MOB3B: variants seen among roughly 807,000 people sequenced by gnomAD.
MOB3B encodes MOB kinase activator-like 2B.
MOB3B carries 7 observed loss-of-function variants against 18.7 expected under a neutral mutation model. The ratio of observed to expected loss-of-function variants is 0.37; its 90% CI spans 0.21 to 0.70. MOB3B has a LOEUF of 0.70. Ranked by LOEUF, MOB3B falls within the 30% of genes least tolerant of loss-of-function variation. MOB3B has a pLI of 0.52. For missense variants in MOB3B, 253 were observed against 281.3 expected (o/e 0.90, Z 0.72); for synonymous variants, 111 against 99.9 (o/e 1.11, Z -0.66).
chr9:27,343,903 A>C (rs953427394), intron 3 of MOB3B, among the ~76,000 whole-genome samples: 32 of 152,154 alleles, frequency 2.1e-4, no homozygotes, highest in African/African-American at 7.5e-4. Flanking sequence ...GCAAATCCTA[A>C]AGACCCAATT....
intron 3 of MOB3B, among the ~76,000 whole-genome samples, chr9:27,337,870 A>G (rs7047861): frequency 0.029 from 4,391 of 152,260 alleles, 163 homozygotes; most frequent in African/African-American, 0.079. Flanking sequence ...TAAGGCATTC[A>G]ATGATCAAAA....
At chr9:27,403,595 C>T (rs1821919862) in intron 2 of MOB3B, among the ~76,000 whole-genome samples, 1 of 132,174 alleles carries the variant, frequency 7.6e-6, no homozygotes, top group African/African-American at 2.8e-5. Flanking sequence ...CGCAATGGTG[C>T]AATCTCAGCT....
rs137982792 is a variant in MOB3B at position 27,332,404 on chromosome 9, T to C, written c.622-1788A>G. Among the ~76,000 whole-genome samples, 17 of 152,312 alleles carry C rather than the reference T, an allele frequency of 1.1e-4. No homozygotes were observed. The East Asian group carries it at 3.1e-3, about 28-fold the overall frequency. On this transcript the variant is annotated intron_variant, in intron 3 of 3. Coordinates refer to ENST00000262244, the MANE Select transcript of MOB3B (RefSeq NM_024761.5). ...GAGAAGTAGGGAGAGAGAAAGTGTG[T>C]TCATGGGATAAACAGAATTTTAGCT...
intron 3 of MOB3B, among the ~76,000 whole-genome samples, chr9:27,345,293 T>G (rs1821016156): frequency 6.6e-6 from 1 of 152,166 alleles, no homozygotes; most frequent in South Asian, 2.1e-4. Flanking sequence ...GAACTGCTCC[T>G]GCCCACCATA....
intron 1 of MOB3B, among the ~76,000 whole-genome samples, chr9:27,515,790 A>G (rs1820222725): frequency 6.6e-6 from 1 of 152,136 alleles, no homozygotes; most frequent in Admixed American, 6.5e-5. Context: ...TCCTCTCCCC[A>G]TTAAGGCTCC....
chr9:27,436,541 C>T (rs997485782), intron 2 of MOB3B, among the ~76,000 whole-genome samples: 1 of 152,160 alleles, frequency 6.6e-6, no homozygotes, highest in African/African-American at 2.4e-5. Context: ...TCTGATTGGC[C>T]TCCCGAAGTT....
intron 1 of MOB3B, among the ~76,000 whole-genome samples, chr9:27,495,283 A>T (rs1819878906): frequency 6.6e-6 from 1 of 152,118 alleles, no homozygotes; most frequent in African/African-American, 2.4e-5. Context: ...GTAAGCCATG[A>T]TTGTACCACC....
At chr9:27,365,719 G>T (rs1176676241) in intron 2 of MOB3B, among the ~76,000 whole-genome samples, 1 of 152,188 alleles carries the variant, frequency 6.6e-6, no homozygotes, top group Non-Finnish European at 1.5e-5. Flanking sequence ...ACTCCAAGAA[G>T]TTGGCCCACA....
At chr9:27,402,441 C>T (rs1384261904) in intron 2 of MOB3B, among the ~76,000 whole-genome samples, 1 of 152,108 alleles carries the variant, frequency 6.6e-6, no homozygotes, top group East Asian at 1.9e-4. Context: ...ATGATGATGA[C>T]AAAGATACCT....
chr9:27,441,796 C>CT (rs1318277460), intron 2 of MOB3B, among the ~76,000 whole-genome samples: 1 of 152,148 alleles, frequency 6.6e-6, no homozygotes, highest in Non-Finnish European at 1.5e-5. Flanking sequence ...CCAACATAGT[C>CT]TAGTGCCTAC....
intron 3 of MOB3B, among the ~76,000 whole-genome samples, chr9:27,351,491 G>T (rs1168879995): frequency 6.6e-6 from 1 of 152,242 alleles, no homozygotes; most frequent in East Asian, 1.9e-4. Flanking sequence ...CAAACTGTCA[G>T]CTTCACAGGC....
chr9:27,352,574 G>T (rs750374744), intron 3 of MOB3B, among the ~76,000 whole-genome samples: 1 of 152,122 alleles, frequency 6.6e-6, no homozygotes, highest in African/African-American at 2.4e-5. Flanking sequence ...ACAATGAAAA[G>T]GACTGCACTT....
At chr9:27,367,746 A>G (rs937294753) in intron 2 of MOB3B, among the ~76,000 whole-genome samples, 1 of 152,202 alleles carries the variant, frequency 6.6e-6, no homozygotes, top group African/African-American at 2.4e-5. Context: ...ATGAAACAGG[A>G]CAGGTGAAGC....
At chr9:27,411,205 G>C (rs1005932709) in intron 2 of MOB3B, among the ~76,000 whole-genome samples, 1 of 152,160 alleles carries the variant, frequency 6.6e-6, no homozygotes, top group African/African-American at 2.4e-5. Flanking sequence ...CCTCTTCTAG[G>C]GAAAAGGCAC....
chr9:27,511,144 G>A (rs1479843534), intron 1 of MOB3B, among the ~76,000 whole-genome samples: 2 of 151,420 alleles, frequency 1.3e-5, no homozygotes, highest in East Asian at 3.9e-4. Context: ...ATCTTTAAAA[G>A]TCTTTCTCAA....
intron 3 of MOB3B, among the ~76,000 whole-genome samples, chr9:27,331,264 C>T (rs887239065): frequency 1.3e-5 from 2 of 152,176 alleles, no homozygotes; most frequent in Non-Finnish European, 2.9e-5. Context: ...GGTTGAGTCC[C>T]ATGCCTATGG....
At chr9:27,374,578 G>A (rs970912735) in intron 2 of MOB3B, among the ~76,000 whole-genome samples, 1 of 152,206 alleles carries the variant, frequency 6.6e-6, no homozygotes, top group Non-Finnish European at 1.5e-5. Flanking sequence ...AGAGGACAGA[G>A]GTGACTAAAG....
chr9:27,331,729 G>T (rs1042708429), intron 3 of MOB3B, among the ~76,000 whole-genome samples: 1 of 152,110 alleles, frequency 6.6e-6, no homozygotes, highest in Admixed American at 6.5e-5. Flanking sequence ...TTAGATGAAC[G>T]ATCTTCCAAG....
chr9:27,357,938 T>C (rs1821218357), intron 3 of MOB3B, among the ~76,000 whole-genome samples: 1 of 123,070 alleles, frequency 8.1e-6, no homozygotes, highest in Middle Eastern at 4.2e-3. Context: ...TGCCAGGCTA[T>C]AGTCCCAGCT....
Sources: gnomAD v4.1 joint callset for allele counts (sites outside exome capture counted in the v4.1 genomes callset) on GRCh38, gnomAD v4.1.1 for gene constraint, MANE v1.5 for transcripts, NCBI Gene and HGNC (gene_info 2026-07-23, HGNC 2026-07-21) for gene names.